ARB2A: variants seen among roughly 807,000 people sequenced by gnomAD.
The protein encoded by ARB2A is cotranscriptional regulator ARB2A.
the ARB2A span, among the ~76,000 whole-genome samples, chr5:93,658,556 C>T: frequency 6.6e-6 from 1 of 151,968 alleles, no homozygotes; most frequent in African/African-American, 2.4e-5. Flanking sequence ...AAGATGTGGT[C>T]ACTGCCTTCA....
the ARB2A span, among the ~76,000 whole-genome samples, chr5:93,664,967 C>T: frequency 1.3e-5 from 2 of 152,228 alleles, no homozygotes; most frequent in East Asian, 3.9e-4. Context: ...GCTGGGACTA[C>T]AGGCATGCAC....
chr5:93,810,738 A>C, the ARB2A span, among the ~76,000 whole-genome samples: 70 of 152,184 alleles, frequency 4.6e-4, no homozygotes, highest in Admixed American at 6.6e-4. Flanking sequence ...AATGTACAAG[A>C]ATCCTGCCTA....
chr5:93,689,698 T>TC, the ARB2A span, among the ~76,000 whole-genome samples: 5 of 141,618 alleles, frequency 3.5e-5, no homozygotes, highest in Admixed American at 7.1e-5. Flanking sequence ...GTTTTCTCTC[T>TC]TTTTTTTTTT....
At chr5:93,904,707 C>G in the ARB2A span, among the ~76,000 whole-genome samples, 4 of 151,602 alleles carry the variant, frequency 2.6e-5, no homozygotes, top group Admixed American at 2.6e-4. Context: ...TACCTTTTAC[C>G]TCAATCCCAT....
the ARB2A span, chr5:93,860,528 T>C: frequency 1.2e-4 from 18 of 152,026 alleles, no homozygotes; most frequent in African/African-American, 4.1e-4. Flanking sequence ...AAAATATGCA[T>C]ATTTAGTAAA....
chr5:93,928,857 G>C, the ARB2A span, among the ~76,000 whole-genome samples: 1 of 152,056 alleles, frequency 6.6e-6, no homozygotes, highest in Non-Finnish European at 1.5e-5. Flanking sequence ...TATGGGAAAA[G>C]TACCAGCACG....
the ARB2A span, chr5:93,860,681 GTCTC>G: frequency 6.9e-6 from 1 of 145,464 alleles, no homozygotes; most frequent in Admixed American, 7.1e-5. Flanking sequence ...TTGAGACAGA[GTCTC>G]TCTCTGCCAC....
chr5:94,074,743 A>G, the ARB2A span: 1 of 1,610,990 alleles, frequency 6.2e-7, no homozygotes, highest in Non-Finnish European at 8.5e-7. Flanking sequence ...AGCTCAAGGA[A>G]ATAGACATCA....
the ARB2A span, chr5:93,784,415 C>G: frequency 5.6e-6 from 9 of 1,613,312 alleles, no homozygotes; most frequent in Admixed American, 5.0e-5. Flanking sequence ...GTTTTGCCAG[C>G]TTCTTGATGC....
At chr5:94,074,390 T>G in the ARB2A span, among the ~76,000 whole-genome samples, 5 of 152,086 alleles carry the variant, frequency 3.3e-5, no homozygotes, top group African/African-American at 1.2e-4. Flanking sequence ...AATTTTATTA[T>G]TAAATGTATG....
chr5:94,101,452 T>A, the ARB2A span, among the ~76,000 whole-genome samples: 2 of 152,102 alleles, frequency 1.3e-5, no homozygotes, highest in African/African-American at 4.8e-5. Flanking sequence ...GGGTATACAC[T>A]CAGAGGAAGA....
At chr5:93,754,836 C>T in the ARB2A span, among the ~76,000 whole-genome samples, 3 of 152,272 alleles carry the variant, frequency 2.0e-5, no homozygotes, top group South Asian at 4.1e-4. Context: ...TTTCCTTCAA[C>T]TATTAATTTT....
the ARB2A span, among the ~76,000 whole-genome samples, chr5:94,039,152 C>G: frequency 5.3e-5 from 8 of 152,172 alleles, no homozygotes; most frequent in African/African-American, 1.9e-4. Flanking sequence ...CTCACATTTT[C>G]TAAATCATAA....
the ARB2A span, among the ~76,000 whole-genome samples, chr5:93,641,665 A>G: frequency 1.3e-5 from 2 of 152,220 alleles, no homozygotes; most frequent in Non-Finnish European, 2.9e-5. Flanking sequence ...AAAGAATGCT[A>G]TGACTCATTT....
At chr5:93,818,118 GA>G in the ARB2A span, among the ~76,000 whole-genome samples, 35 of 134,372 alleles carry the variant, frequency 2.6e-4, 1 homozygote, top group Admixed American at 1.0e-3. Context: ...AAATGAAAAA[GA>G]AAAAAAAAAA....
chr5:93,711,978 A>T, the ARB2A span, among the ~76,000 whole-genome samples: 1 of 152,234 alleles, frequency 6.6e-6, no homozygotes, highest in Non-Finnish European at 1.5e-5. Flanking sequence ...TCTGGAAATG[A>T]GTGAGAGGCT....
At chr5:93,742,198 G>C in the ARB2A span, among the ~76,000 whole-genome samples, 38 of 152,134 alleles carry the variant, frequency 2.5e-4, no homozygotes, top group East Asian at 7.0e-3. Flanking sequence ...CCCTGGGGCA[G>C]AACTTTGTAA....
the ARB2A span, among the ~76,000 whole-genome samples, chr5:93,982,966 G>A: frequency 1.3e-5 from 2 of 152,184 alleles, no homozygotes; most frequent in Non-Finnish European, 2.9e-5. Flanking sequence ...TAAGGTAGGA[G>A]AATCGCTTGA....
the ARB2A span, among the ~76,000 whole-genome samples, chr5:94,034,346 T>A: frequency 6.6e-6 from 1 of 152,166 alleles, no homozygotes; most frequent in Non-Finnish European, 1.5e-5. Flanking sequence ...TAGAGGTATA[T>A]CTACCACACA....
Sources: allele counts gnomAD v4.1 joint callset (sites outside exome capture counted in the v4.1 genomes callset), GRCh38; gene constraint gnomAD v4.1.1; transcripts MANE v1.5; gene names NCBI Gene and HGNC (gene_info 2026-07-23, HGNC 2026-07-21).